The following PIK3C2A variants were observed in gnomAD, a reference collection of about 807,000 sequenced individuals.
The protein encoded by PIK3C2A is phosphatidylinositol-4-phosphate 3-kinase catalytic subunit type 2 alpha.
Under a neutral mutation model 204.5 loss-of-function variants are expected in PIK3C2A, and 97 were observed. The observed-to-expected ratio is 0.47, with a 90% confidence interval of 0.40 to 0.56. PIK3C2A has a LOEUF of 0.56. Among genes scored for constraint, PIK3C2A ranks in the 20% least tolerant of loss-of-function variants. The pLI is 0.00. For missense variants in PIK3C2A, 1,735 were observed against 1,969.2 expected (o/e 0.88, Z 2.25); for synonymous variants, 653 against 664.4 (o/e 0.98, Z 0.26).
Position 17,117,674 on chromosome 11 carries a change from A to G in PIK3C2A, c.3036-3T>C. ...CATGCAGGGCATCTTTGAGAAGCCT[A>G]ATACAGCAAAATATTTATGTTAGTC... On this transcript the variant is annotated splice_polypyrimidine_tract_variant and splice_region_variant and intron_variant, in intron 18 of 32. Coordinates refer to ENST00000691414, the MANE Select transcript of PIK3C2A (RefSeq NM_002645.4). The G allele has an allele frequency of 1.3e-6, 2 of 1,505,284 alleles. No individual in the cohort carries two copies. The highest frequency in any genetic ancestry group is 1.8e-6 in the Non-Finnish European group (2 of 1,104,946). 93.2% of individuals were successfully genotyped at this position (1,505,284 alleles called of 1,614,324 possible). A position where few individuals can be genotyped will look rare whatever the true frequency, so the allele number is the denominator to read the frequency against.
intron 1 of PIK3C2A, among the ~76,000 whole-genome samples, chr11:17,198,079 CAA>C (rs2137573482): frequency 6.6e-6 from 1 of 150,680 alleles, no homozygotes. Context: ...TAGCAGCAAG[CAA>C]ATATCAGACT....
chr11:17,205,881 G>C (rs1240080217), intron 1 of PIK3C2A, among the ~76,000 whole-genome samples: 1 of 152,230 alleles, frequency 6.6e-6, no homozygotes, highest in Non-Finnish European at 1.5e-5. Flanking sequence ...AGCACTTTGG[G>C]AGGCCAAGAC....
chr11:17,118,654 T>G lies in PIK3C2A; in HGVS notation c.3026A>C (p.Asn1009Thr), dbSNP rs748093720. 7.1e-7 allele frequency: 1 copy of G among 1,414,620 alleles called. No homozygotes were observed. Among genetic ancestry groups the G allele is most frequent in the Non-Finnish European group, 1.0e-6 (1 of 1,004,712 alleles). 87.6% of individuals were successfully genotyped at this position (1,414,620 alleles called of 1,614,324 possible). The change falls in exon 18 of 33, where the codon AAT becomes ACT. Residue 1009 changes from asparagine to threonine, a missense_variant. Physicochemically the swap from Asn to Thr is moderately conservative, Grantham distance 65. This residue lies in a region of PIK3C2A where 567 missense variants were observed against 576.0 expected (regional missense o/e 0.98). Transcript: ENST00000691414. ...RALGNIQIAHNLYWLLKDALH... is the reference protein window; with the variant it reads ...RALGNIQIAHTLYWLLKDALH... ...AAAATTTAAATCTTACCAATATAAA[T>G]TGTGTGCTATCTGGATATTTCCCAA... is the stretch of plus-strand genomic sequence containing the variant.
intron 12 of PIK3C2A, 90 bp from the exon 13 acceptor site, chr11:17,129,557 G>A (rs1221854451): frequency 3.9e-6 from 3 of 763,504 alleles, no homozygotes; most frequent in Non-Finnish European, 4.3e-6. Flanking sequence ...TTTAGGTATT[G>A]TATTTAACCT....
At chr11:17,136,021 C>G (rs1161205614) in intron 9 of PIK3C2A, among the ~76,000 whole-genome samples, 3 of 152,086 alleles carry the variant, frequency 2.0e-5, no homozygotes, top group Non-Finnish European at 2.9e-5. Flanking sequence ...AAGGGAAGGC[C>G]CCTAACTTGG....
At chr11:17,133,764 C>G (rs1351843055) in intron 11 of PIK3C2A, among the ~76,000 whole-genome samples, 2 of 151,924 alleles carry the variant, frequency 1.3e-5, no homozygotes, top group Non-Finnish European at 2.9e-5. Flanking sequence ...CTCGTCTCTA[C>G]TAAAAATACA....
At chr11:17,182,429 T>C (rs955416061) in intron 1 of PIK3C2A, among the ~76,000 whole-genome samples, 1 of 152,040 alleles carries the variant, frequency 6.6e-6, no homozygotes, top group African/African-American at 2.4e-5. Context: ...TAGCTAGGCA[T>C]GGTGGCGCAT....
chr11:17,158,814 A>AT (rs1333423892), intron 2 of PIK3C2A, among the ~76,000 whole-genome samples: 2 of 152,090 alleles, frequency 1.3e-5, no homozygotes, highest in Non-Finnish European at 2.9e-5. Context: ...TAATAGTTGT[A>AT]TTTTTTGCTG....
At chr11:17,148,589 T>G in intron 5 of PIK3C2A, 78 bp downstream of exon 5, 2 of 1,293,186 alleles carry the variant, frequency 1.5e-6, no homozygotes, top group Non-Finnish European at 2.2e-6. Context: ...CATTATAAAT[T>G]TAACTTGAAA....
chr11:17,183,366 G>A (rs1851633374), intron 1 of PIK3C2A, among the ~76,000 whole-genome samples: 1 of 152,070 alleles, frequency 6.6e-6, no homozygotes, highest in Non-Finnish European at 1.5e-5. Context: ...TTCTCTTACT[G>A]TGCCTAACTT....
intron 11 of PIK3C2A, among the ~76,000 whole-genome samples, chr11:17,132,865 T>C (rs1157064758): frequency 6.6e-6 from 1 of 152,156 alleles, no homozygotes; most frequent in African/African-American, 2.4e-5. Context: ...TGCTATTGAA[T>C]TCTCTCATTA....
At chr11:17,094,486 G>A in intron 27 of PIK3C2A, 101 bp from the exon 28 acceptor site, 1 of 846,264 alleles carries the variant, frequency 1.2e-6, no homozygotes, top group East Asian at 2.8e-5. Context: ...CACTTTGGGA[G>A]GCCGAGGTGG....
chr11:17,199,616 C>T (rs904756764), intron 1 of PIK3C2A, among the ~76,000 whole-genome samples: 1 of 152,156 alleles, frequency 6.6e-6, no homozygotes, highest in Non-Finnish European at 1.5e-5. Context: ...ATTCCAATCA[C>T]ACGAAAGATC....
At position 17,087,795 on chromosome 11, in the gene PIK3C2A, G is replaced by A. The variant is rs1848193977; in HGVS notation, c.*1943C>T. On this transcript the variant is annotated 3_prime_UTR_variant, in exon 33 of 33. Transcript: ENST00000691414. ...ATCTGTGGAAAAAGCAAATGGTGGT[G>A]CTTTGATCTGCATTTTAATTAACAT... 6.8e-6 allele frequency: 1 copy of A among 148,118 alleles called. No individual in the cohort carries two copies. Among genetic ancestry groups the A allele is most frequent in the Non-Finnish European group, 1.5e-5 (1 of 67,400 alleles). The allele number at this position is 148,118 out of a possible 1,614,324, so 9.2% of individuals were successfully genotyped here. A position where few individuals can be genotyped will look rare whatever the true frequency, so the allele number is the denominator to read the frequency against.
chr11:17,143,970 G>A (rs1279114308), intron 8 of PIK3C2A, among the ~76,000 whole-genome samples: 1 of 151,942 alleles, frequency 6.6e-6, no homozygotes, highest in Non-Finnish European at 1.5e-5. Context: ...AAAAAATCCA[G>A]GGGTGTGGTT....
chr11:17,093,354 C>T (rs1360805019), intron 28 of PIK3C2A, among the ~76,000 whole-genome samples: 1 of 152,206 alleles, frequency 6.6e-6, no homozygotes, highest in Non-Finnish European at 1.5e-5. Context: ...GCAAGCTCCA[C>T]CTTCTGGGTT....
At chr11:17,163,396 A>G (rs1345077919) in intron 2 of PIK3C2A, among the ~76,000 whole-genome samples, 1 of 152,118 alleles carries the variant, frequency 6.6e-6, no homozygotes, top group Non-Finnish European at 1.5e-5. Context: ...AGCCCTTACT[A>G]TCAGTTATTC....
intron 1 of PIK3C2A, among the ~76,000 whole-genome samples, chr11:17,183,325 G>C (rs377100243): frequency 7.9e-5 from 12 of 152,202 alleles, no homozygotes; most frequent in East Asian, 3.9e-4. Flanking sequence ...AAAGTATACT[G>C]TTATAATTAT....
chr11:17,193,811 G>A (rs1370227700), intron 1 of PIK3C2A: 14 of 164,528 alleles, frequency 8.5e-5, no homozygotes, highest in South Asian at 1.3e-4. Context: ...GCACCACTGC[G>A]CTCCAGCCTG....
Sources: allele counts gnomAD v4.1 joint callset (sites outside exome capture counted in the v4.1 genomes callset), GRCh38; gene constraint gnomAD v4.1.1; regional missense constraint gnomAD v4.1.1; transcripts MANE v1.5; gene names NCBI Gene and HGNC (gene_info 2026-07-23, HGNC 2026-07-21).